ASB2: variants seen among roughly 807,000 people sequenced by gnomAD.
ASB2 encodes ankyrin repeat and SOCS box protein 2.
A neutral mutation model predicts 62.4 loss-of-function variants in ASB2; 58 were observed. The ratio of observed to expected loss-of-function variants is 0.93; its 90% confidence interval spans 0.75 to 1.16. The LOEUF (loss-of-function observed/expected upper bound fraction) is 1.16, where lower values mean the gene tolerates loss of function less well. Among genes scored for constraint, ASB2 ranks in the 50% most tolerant of loss-of-function variants. ASB2 has a pLI of 0.00. For synonymous variants in ASB2, 386 were observed against 385.3 expected (o/e 1.00, Z -0.02); for missense variants, 928 against 887.9 (o/e 1.05, Z -0.57).
intron 6 of ASB2, 83 bp downstream of exon 6, chr14:93,950,916 C>T (rs528402574): frequency 3.2e-5 from 47 of 1,478,302 alleles, no homozygotes; most frequent in African/African-American, 2.1e-4. Context: ...ACCCCTAACT[C>T]GCCTTCCCTT....
Position 93,939,570 on chromosome 14 carries a change from C to A in ASB2, c.1155G>T (p.Leu385=). The part of the protein sequence containing the change: ...LAAERNHDEV[L]EALLSARFDV... ...CGAAGCGCGCGCTCAGCAGCGCCTC[C>A]AGCACCTCGTCGTGGTTGCGCTCGG... is the stretch of plus-strand genomic sequence containing the variant. Residue 385 remains leucine, a synonymous_variant, in exon 8 of 10, where the codon CTG becomes CTT. Transcript: ENST00000555019. 6.3e-7 allele frequency: 1 copy of A among 1,588,868 alleles called. No homozygotes were observed. The highest frequency in any genetic ancestry group is 8.5e-7 in the Non-Finnish European group (1 of 1,171,100).
intron 2 of ASB2, among the ~76,000 whole-genome samples, chr14:93,960,186 T>G (rs1483187908): frequency 6.6e-6 from 1 of 152,250 alleles, no homozygotes; most frequent in East Asian, 1.9e-4. Context: ...CTTCCTCTAG[T>G]CTGCTTGATG....
At chr14:93,975,169 C>T (rs975758926) in intron 1 of ASB2, among the ~76,000 whole-genome samples, 5 of 152,270 alleles carry the variant, frequency 3.3e-5, no homozygotes, top group Non-Finnish European at 7.3e-5. Flanking sequence ...GCTCTGCCTG[C>T]GTCCCTCTGA....
intron 2 of ASB2, among the ~76,000 whole-genome samples, chr14:93,962,119 T>TTTG (rs1436128741): frequency 8.8e-6 from 1 of 113,596 alleles, no homozygotes; most frequent in East Asian, 3.3e-4. Context: ...TTTTTTTTTT[T>TTTG]TTTTTTTTTT....
At chr14:93,935,967 T>C (rs1400115753) in intron 9 of ASB2, among the ~76,000 whole-genome samples, 1 of 152,226 alleles carries the variant, frequency 6.6e-6, no homozygotes, top group Non-Finnish European at 1.5e-5. Flanking sequence ...TGAATATATA[T>C]TCATTTAATG....
At chr14:93,952,664 AC>A (rs1889013392) in intron 5 of ASB2, among the ~76,000 whole-genome samples, 1 of 152,214 alleles carries the variant, frequency 6.6e-6, no homozygotes, top group African/African-American at 2.4e-5. Flanking sequence ...ATCCTGGGCG[AC>A]CCATTTAATG....
intron 2 of ASB2, among the ~76,000 whole-genome samples, chr14:93,961,472 A>G (rs1026532520): frequency 6.6e-6 from 1 of 152,246 alleles, no homozygotes; most frequent in African/African-American, 2.4e-5. Context: ...TAATGGCAGA[A>G]GCAGAGAAAT....
At chr14:93,967,083 C>T (rs905744391) in intron 1 of ASB2, among the ~76,000 whole-genome samples, 3 of 152,186 alleles carry the variant, frequency 2.0e-5, no homozygotes, top group Admixed American at 6.5e-5. Flanking sequence ...CAGCCATGAG[C>T]GCCTCTCTTC....
At chr14:93,942,880 T>C (rs543442021) in intron 7 of ASB2, among the ~76,000 whole-genome samples, 1 of 152,302 alleles carries the variant, frequency 6.6e-6, no homozygotes, top group East Asian at 1.9e-4. Context: ...ATGATGGTGA[T>C]AGCTATAGCT....
intron 3 of ASB2, 150 bp downstream of exon 3, chr14:93,956,616 G>GCCCT (rs1889217687): frequency 9.5e-7 from 1 of 1,057,112 alleles, no homozygotes; most frequent in Non-Finnish European, 1.4e-6. Context: ...GGGGCCCCAG[G>GCCCT]GGGGCACCCC....
At chr14:93,956,630 A>T in intron 3 of ASB2, 136 bp downstream of exon 3, 2 of 1,187,822 alleles carry the variant, frequency 1.7e-6, no homozygotes, top group Non-Finnish European at 2.4e-6. Flanking sequence ...GCACCCCTAG[A>T]AGGAGCGTGC....
chr14:93,939,353 G>A lies in ASB2; in HGVS notation c.1372C>T (p.Gln458Ter), dbSNP rs1888411159. Residue 458 changes from glutamine to a stop codon, truncating the protein, a stop_gained, in exon 8 of 10, where the codon CAG (glutamine) becomes TAG (stop). Transcript: ENST00000555019. LOFTEE classifies it high-confidence loss of function. ...TTCGCGCCGTGGTCCAGCAGCAGCT[G>A]CATTGTGCGCAGGCAGCCGTGGCGG... The part of the protein sequence containing the change: ...AIRHGCLRTM[Q>*]LLLDHGANID... 6.2e-7 allele frequency: 1 copy of A among 1,612,470 alleles called. No homozygotes were observed. The highest frequency in any genetic ancestry group is 1.1e-5 in the South Asian group (1 of 91,010).
intron 2 of ASB2, among the ~76,000 whole-genome samples, chr14:93,959,308 C>T (rs112516586): frequency 0.013 from 2,021 of 152,262 alleles, 23 homozygotes; most frequent in Middle Eastern, 0.031. Context: ...TCACAGAGGA[C>T]GGGCTGAGAT....
intron 2 of ASB2, chr14:93,957,454 G>A (rs1441914600): frequency 1.0e-6 from 1 of 952,882 alleles, no homozygotes; most frequent in African/African-American, 1.8e-5. Flanking sequence ...ATGAGGAAGG[G>A]CGTCGGAACC....
chr14:93,953,454 A>C lies in ASB2; in HGVS notation c.532T>G (p.Leu178Val). The C allele has an allele frequency of 6.2e-7, 1 of 1,608,650 alleles. No individual in the cohort carries two copies. The highest frequency in any genetic ancestry group is 1.1e-5 in the South Asian group (1 of 90,790). Residue 178 changes from leucine to valine, a missense_variant, in exon 5 of 10, where the codon TTG (leucine) becomes GTG (valine). By Grantham distance (32) the Leu-to-Val change is conservative. Coordinates refer to ENST00000555019, the MANE Select transcript of ASB2 (RefSeq NM_001202429.2). Reference sequence around the variant, plus strand: ...TCCAGGTGGCCCCTGCACGTTGCCAAGTAAACGGCTGTTTCCTCCTGCAGG... The same window carrying C: ...TCCAGGTGGCCCCTGCACGTTGCCACGTAAACGGCTGTTTCCTCCTGCAGG... The part of the protein sequence containing the change: ...RTLQEETAVY[L>V]ATCRGHLDCL...
chr14:93,968,206 C>T (rs1175409096), intron 1 of ASB2: 2 of 152,232 alleles, frequency 1.3e-5, no homozygotes, highest in African/African-American at 4.8e-5. Flanking sequence ...TCCAGACTTA[C>T]CAGGCCCTTC....
At chr14:93,966,585 C>T (rs1041356461) in intron 1 of ASB2, among the ~76,000 whole-genome samples, 1 of 152,212 alleles carries the variant, frequency 6.6e-6, no homozygotes, top group African/African-American at 2.4e-5. Flanking sequence ...AATAGTTTTT[C>T]TGGGTCCTTC....
chr14:93,944,588 T>C (rs1888652682), intron 7 of ASB2, among the ~76,000 whole-genome samples: 1 of 152,098 alleles, frequency 6.6e-6, no homozygotes, highest in African/African-American at 2.4e-5. Flanking sequence ...GAGGGAGTGA[T>C]GAGCTCGGGG....
chr14:93,946,834 A>G (rs984521127), intron 7 of ASB2, among the ~76,000 whole-genome samples: 1 of 152,172 alleles, frequency 6.6e-6, no homozygotes, highest in South Asian at 2.1e-4. Context: ...TTTTCCTTGC[A>G]TGCTTGCTAA....
Sources: gnomAD v4.1 joint callset for allele counts (sites outside exome capture counted in the v4.1 genomes callset) on GRCh38, gnomAD v4.1.1 for gene constraint, MANE v1.5 for transcripts, NCBI Gene and HGNC (gene_info 2026-07-23, HGNC 2026-07-21) for gene names.